RELN: variants seen among roughly 807,000 people sequenced by gnomAD.
RELN encodes reelin.
In RELN, 108 loss-of-function variants were observed where a neutral mutation model predicts 427.6. The ratio of observed to expected loss-of-function variants is 0.25; its 90% CI spans 0.22 to 0.30. The LOEUF is 0.30. Among genes scored for constraint, RELN ranks in the 10% least tolerant of loss-of-function variants. The probability of loss-of-function intolerance (pLI) is 1.00; values close to 1 mark genes in which losing one functional copy is unlikely to be tolerated. For missense variants in RELN, 3,715 were observed against 4,302.8 expected (o/e 0.86, Z 3.82); for synonymous variants, 1,524 against 1,513.4 (o/e 1.01, Z -0.16).
chr7:103,936,846 T>C (rs1341130869), intron 1 of RELN, among the ~76,000 whole-genome samples: 1 of 152,174 alleles, frequency 6.6e-6, no homozygotes, highest in East Asian at 1.9e-4. Context: ...ATGTGTTCAC[T>C]CAGTTTACAA....
Position 103,497,743 on chromosome 7 carries a change from T to C in RELN, c.8950+77A>G. 3.4e-6 allele frequency: 4 copies of C among 1,185,242 alleles called. No homozygotes were observed. The Admixed American group carries it at 6.8e-5, about 20-fold the overall frequency. The allele number at this position is 1,185,242 out of a possible 1,614,324, so 73.4% of individuals were successfully genotyped here. A position where few individuals can be genotyped will look rare whatever the true frequency, so the allele number is the denominator to read the frequency against. On this transcript the variant is annotated intron_variant, in intron 55 of 64. Transcript: ENST00000428762. ...TCAAACTGTGAAGTCAGCAAAGCTT[T>C]GCAGAGACTTTTCTGAGGGTGTTGG...
At chr7:103,497,555 C>T (rs938075550) in intron 55 of RELN, among the ~76,000 whole-genome samples, 1 of 152,188 alleles carries the variant, frequency 6.6e-6, no homozygotes, top group Non-Finnish European at 1.5e-5. Context: ...TTGTATCACT[C>T]AAGCTTCAGT....
chr7:103,636,085 A>AT (rs1832573507), intron 18 of RELN, 150 bp downstream of exon 18: 1 of 671,404 alleles, frequency 1.5e-6, no homozygotes, highest in Non-Finnish European at 2.6e-6. Flanking sequence ...ACTAGGGCAA[A>AT]TTAACTCTCA....
chr7:103,618,030 T>C (rs1832124155), intron 20 of RELN, among the ~76,000 whole-genome samples: 1 of 152,178 alleles, frequency 6.6e-6, no homozygotes, highest in African/African-American at 2.4e-5. Flanking sequence ...GTCGGCACTG[T>C]ACTTCTTGTA....
intron 3 of RELN, among the ~76,000 whole-genome samples, chr7:103,783,748 A>C (rs1192553985): frequency 2.6e-5 from 4 of 152,190 alleles, no homozygotes; most frequent in African/African-American, 9.7e-5. Flanking sequence ...TGAATGGTTA[A>C]TAGTAACTTA....
At chr7:103,654,348 C>T (rs1390636778) in intron 12 of RELN, 143 bp from the exon 13 acceptor site, 1 of 644,808 alleles carries the variant, frequency 1.6e-6, no homozygotes, top group East Asian at 2.8e-5. Context: ...TAAACAGACT[C>T]AAGGAAATAA....
chr7:103,483,137 A>C (rs1828300801), intron 62 of RELN, among the ~76,000 whole-genome samples, 166 bp from the exon 63 acceptor site: 1 of 152,186 alleles, frequency 6.6e-6, no homozygotes, highest in Non-Finnish European at 1.5e-5. Flanking sequence ...AGCAGCATTA[A>C]ATTTTATTGG....
chr7:103,681,707 T>G (rs769304846), intron 11 of RELN, among the ~76,000 whole-genome samples: 16 of 152,144 alleles, frequency 1.1e-4, no homozygotes, highest in Non-Finnish European at 2.2e-4. Context: ...AGAATTTTTA[T>G]AGATCAAAGC....
At chr7:103,839,107 C>T (rs575252689) in intron 2 of RELN, among the ~76,000 whole-genome samples, 1 of 152,196 alleles carries the variant, frequency 6.6e-6, no homozygotes, top group South Asian at 2.1e-4. Context: ...AAATTCAGGG[C>T]TTAGAGTAAC....
At chr7:103,493,780 T>G (rs770526643) in intron 57 of RELN, among the ~76,000 whole-genome samples, 87 of 152,132 alleles carry the variant, frequency 5.7e-4, no homozygotes, top group Middle Eastern at 3.4e-3. Context: ...AGAATAACAG[T>G]GTCAAATAGT....
At chr7:103,541,476 C>T (rs1227802429) in intron 43 of RELN, among the ~76,000 whole-genome samples, 1 of 152,106 alleles carries the variant, frequency 6.6e-6, no homozygotes, top group Non-Finnish European at 1.5e-5. Context: ...TCTCATGACC[C>T]TGAAAAAATT....
At chr7:103,958,546 G>A (rs1796482744) in intron 1 of RELN, among the ~76,000 whole-genome samples, 1 of 152,128 alleles carries the variant, frequency 6.6e-6, no homozygotes, top group Admixed American at 6.5e-5. Context: ...TCTCTGTCAT[G>A]AGGCTCTCAG....
At chr7:103,883,829 A>C (rs895858207) in intron 2 of RELN, among the ~76,000 whole-genome samples, 6 of 152,226 alleles carry the variant, frequency 3.9e-5, no homozygotes, top group Non-Finnish European at 8.8e-5. Context: ...GATATGAAGA[A>C]TCAATATCGT....
At chr7:103,743,290 A>T (rs1379984880) in intron 6 of RELN, among the ~76,000 whole-genome samples, 2 of 152,232 alleles carry the variant, frequency 1.3e-5, no homozygotes, top group East Asian at 3.8e-4. Context: ...AACAACCGGT[A>T]CCAGCCACTG....
At chr7:103,984,171 A>G (rs1797049816) in intron 1 of RELN, among the ~76,000 whole-genome samples, 1 of 151,852 alleles carries the variant, frequency 6.6e-6, no homozygotes, top group Non-Finnish European at 1.5e-5. Context: ...AAAAAAAATC[A>G]AAGACAGATT....
At chr7:103,864,378 C>T (rs1794143680) in intron 2 of RELN, among the ~76,000 whole-genome samples, 1 of 152,184 alleles carries the variant, frequency 6.6e-6, no homozygotes, top group African/African-American at 2.4e-5. Context: ...TTGTACAATG[C>T]TGTGCAGCAC....
chr7:103,884,401 G>A (rs1794677763), intron 2 of RELN, among the ~76,000 whole-genome samples: 1 of 152,086 alleles, frequency 6.6e-6, no homozygotes, highest in South Asian at 2.1e-4. Context: ...AACACCAAAA[G>A]CAATGGCAAC....
intron 4 of RELN, among the ~76,000 whole-genome samples, chr7:103,773,150 TTC>T (rs1254786156): frequency 5.7e-5 from 8 of 139,830 alleles, no homozygotes; most frequent in Admixed American, 1.4e-4. Context: ...CTTTCTTTCT[TTC>T]TTTCTTTCTT....
At chr7:103,806,621 G>T (rs973022765) in intron 3 of RELN, among the ~76,000 whole-genome samples, 1 of 152,024 alleles carries the variant, frequency 6.6e-6, no homozygotes, top group Non-Finnish European at 1.5e-5. Flanking sequence ...CACCATGCCC[G>T]GCCATAAGCA....
Sources: allele counts gnomAD v4.1 joint callset (sites outside exome capture counted in the v4.1 genomes callset), GRCh38; gene constraint gnomAD v4.1.1; transcripts MANE v1.5; gene names NCBI Gene and HGNC (gene_info 2026-07-23, HGNC 2026-07-21).